PINX1: variants seen among roughly 807,000 people sequenced by gnomAD.
PINX1 encodes PIN2 (TERF1) interacting telomerase inhibitor 1, also known as PIN2/TERF1-interacting telomerase inhibitor 1.
In PINX1, 34 loss-of-function variants were observed where a neutral mutation model predicts 25.4. That is an observed-to-expected ratio of 1.34 (90% CI 1.02 to 1.78). The LOEUF (loss-of-function observed/expected upper bound fraction) is 1.78, where lower values mean the gene tolerates loss of function less well. Ranked by LOEUF, PINX1 falls within the 40% of genes most tolerant of loss-of-function variation. The pLI is 0.00. For missense variants in PINX1, 592 were observed against 404.9 expected, an observed-to-expected ratio of 1.46 and a Z score of -3.97; for synonymous variants, 197 against 147.7, an observed-to-expected ratio of 1.33 and a Z score of -2.42.
At chr8:10,818,218 G>A (rs1409161855) in intron 6 of PINX1, among the ~76,000 whole-genome samples, 2 of 152,102 alleles carry the variant, frequency 1.3e-5, no homozygotes, top group African/African-American at 2.4e-5. Context: ...CACAAAACAC[G>A]ATGTTGCATC....
At chr8:10,770,284 G>A (rs1801183029) in intron 6 of PINX1, among the ~76,000 whole-genome samples, 1 of 152,218 alleles carries the variant, frequency 6.6e-6, no homozygotes, top group South Asian at 2.1e-4. Context: ...GGCGTACACT[G>A]TGTGTCACGA....
At chr8:10,825,002 G>C (rs1178113800) in intron 5 of PINX1, among the ~76,000 whole-genome samples, 1 of 152,210 alleles carries the variant, frequency 6.6e-6, no homozygotes, top group African/African-American at 2.4e-5. Flanking sequence ...AGCCAAGAAA[G>C]TTCCATGTGA....
chr8:10,829,081 T>G (rs1477320597), intron 4 of PINX1, among the ~76,000 whole-genome samples: 1 of 151,652 alleles, frequency 6.6e-6, no homozygotes, highest in Non-Finnish European at 1.5e-5. Flanking sequence ...AGGTCAGGAG[T>G]TGGAGACCAG....
At chr8:10,779,786 A>T (rs1015841853) in intron 6 of PINX1, among the ~76,000 whole-genome samples, 16 of 152,236 alleles carry the variant, frequency 1.1e-4, no homozygotes, top group Non-Finnish European at 2.1e-4. Context: ...TCATAAAGAA[A>T]TTATAGTTTT....
chr8:10,799,135 T>C (rs1189693245), intron 6 of PINX1, among the ~76,000 whole-genome samples: 1 of 147,762 alleles, frequency 6.8e-6, no homozygotes, highest in African/African-American at 2.6e-5. Flanking sequence ...GTTTTCTAGT[T>C]TGTCAATTTT....
At chr8:10,838,129 A>C (rs956224372) in intron 1 of PINX1, among the ~76,000 whole-genome samples, 15 of 152,208 alleles carry the variant, frequency 9.9e-5, no homozygotes, top group African/African-American at 3.6e-4. Context: ...AGCAGGTTGG[A>C]GTTCTTAGAA....
chr8:10,766,019 C>T, intron 6 of PINX1, 103 bp from the exon 7 acceptor site: 1 of 1,144,726 alleles, frequency 8.7e-7, no homozygotes, highest in Non-Finnish European at 1.3e-6. Flanking sequence ...GGCACCCACA[C>T]CCGGCGCTCA....
At chr8:10,797,005 G>A (rs1024465819) in intron 6 of PINX1, among the ~76,000 whole-genome samples, 12 of 151,944 alleles carry the variant, frequency 7.9e-5, no homozygotes, top group African/African-American at 2.9e-4. Context: ...CTGACAGTAA[G>A]AACCAAGCAG....
intron 6 of PINX1, among the ~76,000 whole-genome samples, chr8:10,806,449 C>T: frequency 6.6e-6 from 1 of 152,098 alleles, no homozygotes; most frequent in East Asian, 1.9e-4. Flanking sequence ...GATGCCAGGT[C>T]TAAGATTTGA....
chr8:10,780,703 C>T (rs368213221), intron 6 of PINX1, among the ~76,000 whole-genome samples: 6 of 150,444 alleles, frequency 4.0e-5, no homozygotes, highest in African/African-American at 1.2e-4. Flanking sequence ...CACTGATGAA[C>T]GAAAAAGGAC....
At chr8:10,779,820 T>A (rs1409168124) in intron 6 of PINX1, among the ~76,000 whole-genome samples, 1 of 152,118 alleles carries the variant, frequency 6.6e-6, no homozygotes, top group African/African-American at 2.4e-5. Flanking sequence ...GGCCTACAAA[T>A]GAAGACCAAT....
intron 6 of PINX1, among the ~76,000 whole-genome samples, chr8:10,814,129 G>A (rs1320286815): frequency 6.6e-6 from 1 of 152,140 alleles, no homozygotes; most frequent in Non-Finnish European, 1.5e-5. Flanking sequence ...TGTCTCCACA[G>A]AAAGTGCATA....
chr8:10,818,144 A>T (rs1417077803), intron 6 of PINX1, among the ~76,000 whole-genome samples: 2 of 152,140 alleles, frequency 1.3e-5, no homozygotes, highest in African/African-American at 4.8e-5. Context: ...TAGGACCTAA[A>T]TTTATCACTG....
chr8:10,791,886 T>A (rs1801934205), intron 6 of PINX1, among the ~76,000 whole-genome samples: 1 of 152,134 alleles, frequency 6.6e-6, no homozygotes. Flanking sequence ...CTCTTCCAGG[T>A]TGACAAGAAG....
At chr8:10,817,989 C>T (rs966582918) in intron 6 of PINX1, among the ~76,000 whole-genome samples, 2 of 151,988 alleles carry the variant, frequency 1.3e-5, no homozygotes, top group Non-Finnish European at 2.9e-5. Flanking sequence ...GGACCCTGAC[C>T]GAAGATTTAA....
chr8:10,793,943 C>A (rs533994380), intron 6 of PINX1, among the ~76,000 whole-genome samples: 1 of 152,032 alleles, frequency 6.6e-6, no homozygotes, highest in Admixed American at 6.5e-5. Context: ...AAAGAGGCGA[C>A]AAAATAATTC....
chr8:10,818,180 G>C (rs990262617), intron 6 of PINX1, among the ~76,000 whole-genome samples: 6 of 152,174 alleles, frequency 3.9e-5, no homozygotes, highest in African/African-American at 1.4e-4. Context: ...CTGGAAGAGA[G>C]AGAGAGATGT....
chr8:10,828,076 G>T (rs10109550), intron 4 of PINX1, among the ~76,000 whole-genome samples: 31,342 of 151,950 alleles, frequency 0.21, 3,363 homozygotes, highest in Middle Eastern at 0.3. Context: ...TTATTTCAAA[G>T]GTATAGTTCC....
chr8:10,792,810 C>T (rs1801965484), intron 6 of PINX1, among the ~76,000 whole-genome samples: 1 of 152,158 alleles, frequency 6.6e-6, no homozygotes, highest in Admixed American at 6.5e-5. Flanking sequence ...CATGGCATAG[C>T]TGTCACCTGT....
Sources: allele counts gnomAD v4.1 joint callset (sites outside exome capture counted in the v4.1 genomes callset), GRCh38; gene constraint gnomAD v4.1.1; transcripts MANE v1.5; gene names NCBI Gene and HGNC (gene_info 2026-07-23, HGNC 2026-07-21).